BACH2: variants seen among roughly 807,000 people sequenced by gnomAD.
The protein encoded by BACH2 is BACH transcriptional regulator 2.
BACH2 carries 5 observed loss-of-function variants against 61.8 expected under a neutral mutation model. The observed-to-expected ratio is 0.08, with a 90% CI of 0.04 to 0.17. The LOEUF is 0.17. Among genes scored for constraint, BACH2 ranks in the 10% least tolerant of loss-of-function variants. BACH2 has a pLI of 1.00. For missense variants in BACH2, 824 were observed against 1,091.1 expected (o/e 0.76, Z 3.45); for synonymous variants, 446 against 440.1 (o/e 1.01, Z -0.17).
chr6:90,124,193 T>G (rs1482101094), intron 4 of BACH2, among the ~76,000 whole-genome samples: 1 of 152,228 alleles, frequency 6.6e-6, no homozygotes, highest in Non-Finnish European at 1.5e-5. Context: ...GAAGCAGATC[T>G]GCAGCTGCAG....
intron 4 of BACH2, among the ~76,000 whole-genome samples, chr6:90,137,657 A>G (rs538588024): frequency 2.3e-4 from 35 of 152,264 alleles, no homozygotes; most frequent in African/African-American, 7.9e-4. Flanking sequence ...CCATGAGCTC[A>G]TTTTTCTATG....
Position 89,931,104 on chromosome 6 carries a change from G to C in BACH2, c.*1304C>G, listed in dbSNP as rs986193479. 1 of 152,390 alleles carries C rather than the reference G, an allele frequency of 6.6e-6. No individual in the cohort carries two copies. The highest frequency in any genetic ancestry group is 2.1e-4 in the South Asian group (1 of 4,840). The allele number at this position is 152,390 out of a possible 1,614,324, so 9.4% of individuals were successfully genotyped here. ...CAAGAGCAAGCCGAGGCCTCAGGAC[G>C]TGTTGAAATGAATGGGACTTACTCC... is the stretch of plus-strand genomic sequence containing the variant. On this transcript the variant is annotated 3_prime_UTR_variant, in exon 9 of 9. Coordinates refer to ENST00000257749, the MANE Select transcript of BACH2 (RefSeq NM_021813.4).
chr6:90,062,977 T>C (rs1276045129), intron 5 of BACH2: 1 of 966,578 alleles, frequency 1.0e-6, no homozygotes, highest in Non-Finnish European at 1.2e-6. Context: ...GCAATTTGAA[T>C]AAAATGAAAA....
chr6:90,234,398 A>G (rs966281587), intron 3 of BACH2, among the ~76,000 whole-genome samples: 1 of 152,232 alleles, frequency 6.6e-6, no homozygotes, highest in African/African-American at 2.4e-5. Context: ...GGGCATTCCC[A>G]TGAACTTACT....
At chr6:90,029,091 G>A (rs1405456459) in intron 5 of BACH2, among the ~76,000 whole-genome samples, 1 of 151,852 alleles carries the variant, frequency 6.6e-6, no homozygotes, top group Non-Finnish European at 1.5e-5. Context: ...CCTGCTTTTG[G>A]CCCTGCCCAC....
intron 4 of BACH2, among the ~76,000 whole-genome samples, chr6:90,128,996 G>A (rs1223453513): frequency 1.3e-5 from 2 of 152,104 alleles, no homozygotes; most frequent in African/African-American, 2.4e-5. Context: ...CTCACTCATA[G>A]GTGGGAATTG....
chr6:89,943,158 G>T (rs1773533088), intron 7 of BACH2, among the ~76,000 whole-genome samples: 1 of 152,118 alleles, frequency 6.6e-6, no homozygotes, highest in Admixed American at 6.6e-5. Flanking sequence ...TCCCTGCAGT[G>T]TGTCCAGGGA....
intron 3 of BACH2, among the ~76,000 whole-genome samples, chr6:90,231,134 C>T (rs527838717): frequency 1.2e-4 from 18 of 152,192 alleles, no homozygotes; most frequent in Non-Finnish European, 2.4e-4. Flanking sequence ...TTGTTTGTGG[C>T]CAAACTGTTT....
At chr6:89,935,942 C>G (rs1290256318) in intron 8 of BACH2, among the ~76,000 whole-genome samples, 1 of 152,202 alleles carries the variant, frequency 6.6e-6, no homozygotes, top group Non-Finnish European at 1.5e-5. Flanking sequence ...ATGTCGTCTC[C>G]TTATGTGATT....
intron 4 of BACH2, among the ~76,000 whole-genome samples, chr6:90,196,650 T>C (rs1384673735): frequency 1.3e-5 from 2 of 152,094 alleles, no homozygotes; most frequent in African/African-American, 4.8e-5. Context: ...TTTTTTTTCA[T>C]GATTGGTTGC....
Position 89,929,861 on chromosome 6 carries a change from A to G in BACH2, c.*2547T>C, listed in dbSNP as rs1192300843. Reference sequence around the variant, plus strand: ...ATGAGCAGAAAGTGTTCTTTTTTTAAAAGAAGAGGAGAGGTCACTTGGAAA... The same window carrying G: ...ATGAGCAGAAAGTGTTCTTTTTTTAGAAGAAGAGGAGAGGTCACTTGGAAA... On this transcript the variant is annotated 3_prime_UTR_variant, in exon 9 of 9. Transcript: ENST00000257749. 1 of 152,244 alleles carries G rather than the reference A, an allele frequency of 6.6e-6. No homozygotes were observed. The highest frequency in any genetic ancestry group is 1.5e-5 in the Non-Finnish European group (1 of 68,036). The allele number at this position is 152,244 out of a possible 1,614,324, so 9.4% of individuals were successfully genotyped here.
chr6:90,066,982 G>A (rs1161465181), intron 5 of BACH2, among the ~76,000 whole-genome samples: 1 of 152,190 alleles, frequency 6.6e-6, no homozygotes, highest in African/African-American at 2.4e-5. Flanking sequence ...GATGGGTGAC[G>A]TGCATAGCAC....
chr6:90,104,830 GGGA>G (rs1430721204), intron 4 of BACH2, among the ~76,000 whole-genome samples: 5 of 152,160 alleles, frequency 3.3e-5, no homozygotes, highest in Admixed American at 6.5e-5. Flanking sequence ...CTGGGGGAGT[GGGA>G]GGAGAAGGAG....
intron 5 of BACH2, among the ~76,000 whole-genome samples, chr6:90,084,422 T>A (rs1274199785): frequency 6.6e-6 from 1 of 152,120 alleles, no homozygotes; most frequent in Non-Finnish European, 1.5e-5. Flanking sequence ...AGATTCCATA[T>A]CCATGCCCTT....
rs537681159 is a variant in BACH2 at position 90,055,238 on chromosome 6, G to A, written c.-13+33723C>T. ...TAAAAGCTTTGAAAAAAAATTAGAC[G>A]AACGGATAACTAGAATAATCAATGC... On this transcript the variant is annotated intron_variant, in intron 5 of 8. Transcript: ENST00000257749. Among the ~76,000 whole-genome samples the A allele has an allele frequency of 1.2e-3, 186 of 152,188 alleles. 6 individuals carry two copies. Among genetic ancestry groups the A allele is most frequent in the Non-Finnish European group, 4.1e-4 (28 of 68,012 alleles).
At chr6:90,189,091 T>C (rs1036214397) in intron 4 of BACH2, among the ~76,000 whole-genome samples, 2 of 152,192 alleles carry the variant, frequency 1.3e-5, no homozygotes, top group Non-Finnish European at 2.9e-5. Context: ...GAAATTTATA[T>C]TGTATATTTA....
chr6:90,129,867 TG>T (rs1407093616), intron 4 of BACH2, among the ~76,000 whole-genome samples: 3 of 149,996 alleles, frequency 2.0e-5, no homozygotes, highest in Non-Finnish European at 4.4e-5. Flanking sequence ...GTTTTTTTTT[TG>T]TTGTTGTTGT....
chr6:89,980,155 G>A (rs945867138), intron 6 of BACH2, among the ~76,000 whole-genome samples: 5 of 152,064 alleles, frequency 3.3e-5, no homozygotes, highest in African/African-American at 9.7e-5. Flanking sequence ...TTAGCTGGGC[G>A]TGGTGGTGTG....
intron 6 of BACH2, among the ~76,000 whole-genome samples, chr6:89,993,478 A>C (rs2127775666): frequency 6.6e-6 from 1 of 152,354 alleles, no homozygotes; most frequent in East Asian, 1.9e-4. Context: ...CCTGAGAAGG[A>C]AGCAAGGAAA....
Sources: allele counts gnomAD v4.1 joint callset (sites outside exome capture counted in the v4.1 genomes callset), GRCh38; gene constraint gnomAD v4.1.1; transcripts MANE v1.5; gene names NCBI Gene and HGNC (gene_info 2026-07-23, HGNC 2026-07-21).